The following AP1B1 variants were observed in gnomAD, a reference collection of about 807,000 sequenced individuals.
The protein encoded by AP1B1 is adaptor related protein complex 1 subunit beta 1, also known as AP-1 complex subunit beta-1.
A neutral mutation model predicts 104.3 loss-of-function variants in AP1B1; 36 were observed. That is an observed-to-expected ratio of 0.35 (90% CI 0.26 to 0.46). AP1B1 has a LOEUF of 0.46. AP1B1 is among the 20% of genes least tolerant of loss of function. The pLI is 1.00. For synonymous variants in AP1B1, 504 were observed against 517.5 expected, an observed-to-expected ratio of 0.97 and a Z score of 0.35; for missense variants, 901 against 1,247.9, an observed-to-expected ratio of 0.72 and a Z score of 4.19.
intron 11 of AP1B1, among the ~76,000 whole-genome samples, chr22:29,344,514 ATTTTT>A (rs35466454): frequency 8.2e-4 from 77 of 93,788 alleles, no homozygotes; most frequent in Admixed American, 1.4e-3. Flanking sequence ...CCTGGCCAAG[ATTTTT>A]TTTTTTTTTT....
intron 1 of AP1B1, among the ~76,000 whole-genome samples, chr22:29,375,956 C>A (rs2062334269): frequency 6.6e-6 from 1 of 152,202 alleles, no homozygotes; most frequent in African/African-American, 2.4e-5. Flanking sequence ...GAAAACCAGT[C>A]TACTGAATGA....
intron 1 of AP1B1, among the ~76,000 whole-genome samples, chr22:29,385,209 ACTC>A (rs1213055192): frequency 2.6e-5 from 4 of 152,010 alleles, no homozygotes; most frequent in African/African-American, 9.7e-5. Flanking sequence ...ATATAGCAAG[ACTC>A]CATCTCTACA....
At position 29,334,428 on chromosome 22, in the gene AP1B1, C is replaced by T. The variant is rs762095516; in HGVS notation, c.2164-18G>A. On this transcript the variant is annotated intron_variant, in intron 16 of 22. Transcript: ENST00000357586. ...AGCCAGACCTGCAGGGAAGAGGGTG[C>T]GGAGGGGGCGGGTAGGTGCCTCTTC... 17 of 1,589,572 alleles carry T rather than the reference C, an allele frequency of 1.1e-5. No individual in the cohort carries two copies. Among genetic ancestry groups the T allele is most frequent in the East Asian group, 4.6e-5 (2 of 43,716 alleles).
intron 1 of AP1B1, among the ~76,000 whole-genome samples, chr22:29,375,563 T>G (rs897441026): frequency 2.0e-5 from 3 of 151,918 alleles, no homozygotes; most frequent in Non-Finnish European, 4.4e-5. Flanking sequence ...CAGATTAAGA[T>G]GAGAGAGCTG....
intron 16 of AP1B1, among the ~76,000 whole-genome samples, chr22:29,337,225 T>C (rs1331469552): frequency 2.0e-5 from 3 of 152,226 alleles, no homozygotes; most frequent in Non-Finnish European, 4.4e-5. Context: ...TCACCAGCTA[T>C]GTGACCTTAG....
intron 7 of AP1B1, among the ~76,000 whole-genome samples, chr22:29,352,346 T>G (rs191235399): frequency 6.6e-5 from 10 of 152,392 alleles, no homozygotes; most frequent in African/African-American, 2.4e-4. Flanking sequence ...ATACAGTTTA[T>G]GCTGAACACA....
At chr22:29,361,537 A>T (rs2062046802) in intron 3 of AP1B1, among the ~76,000 whole-genome samples, 2 of 152,042 alleles carry the variant, frequency 1.3e-5, no homozygotes, top group Non-Finnish European at 2.9e-5. Context: ...ACAATATGGG[A>T]ATTGTAAGGA....
chr22:29,360,458 C>A (rs1301352584), intron 3 of AP1B1, among the ~76,000 whole-genome samples: 1 of 152,160 alleles, frequency 6.6e-6, no homozygotes, highest in Non-Finnish European at 1.5e-5. Flanking sequence ...CTTAATGTGG[C>A]CCCTTACATT....
intron 11 of AP1B1, 77 bp from the exon 12 acceptor site, chr22:29,342,460 G>T (rs1456933177): frequency 3.3e-6 from 4 of 1,220,352 alleles, no homozygotes; most frequent in East Asian, 2.5e-5. Context: ...GGCTTGAAGA[G>T]GAATAGGGTG....
chr22:29,358,655 G>A, intron 5 of AP1B1, 71 bp downstream of exon 5: 1 of 1,554,398 alleles, frequency 6.4e-7, no homozygotes, highest in Non-Finnish European at 8.8e-7. Flanking sequence ...GCCTGGTGAA[G>A]AGTCAAGCCA....
chr22:29,383,569 C>A (rs974086072), intron 1 of AP1B1, among the ~76,000 whole-genome samples: 1 of 150,716 alleles, frequency 6.6e-6, no homozygotes, highest in Admixed American at 6.6e-5. Context: ...ATTAGCCGGG[C>A]GTGGTGGCGG....
At chr22:29,336,107 T>C (rs1032041060) in intron 16 of AP1B1, among the ~76,000 whole-genome samples, 3 of 152,218 alleles carry the variant, frequency 2.0e-5, no homozygotes, top group Admixed American at 6.5e-5. Context: ...GATGAACCAA[T>C]GAACTGTCAC....
intron 1 of AP1B1, among the ~76,000 whole-genome samples, chr22:29,376,808 G>A (rs12166223): frequency 0.012 from 1,863 of 152,254 alleles, 35 homozygotes; most frequent in African/African-American, 0.042. Flanking sequence ...TCTGTGCCAT[G>A]CCCTGGACTG....
At chr22:29,371,830 A>AT (rs2062244092) in intron 1 of AP1B1, among the ~76,000 whole-genome samples, 2 of 152,164 alleles carry the variant, frequency 1.3e-5, no homozygotes, top group South Asian at 4.1e-4. Flanking sequence ...ATTACGGGGA[A>AT]TTTTTGATTC....
At position 29,340,818 on chromosome 22, in the gene AP1B1, T is replaced by A. The variant is rs751723222; in HGVS notation, c.1836A>T (p.Gly612=). Residue 612 remains glycine (G), a synonymous_variant, in exon 14 of 23, where the codon GGA becomes GGT. Transcript: ENST00000357586. ...CATCTGGCTGCTCCCCAGGAGGTGC[T>A]CCAGTAGGGGCTGTCTCAGGGCTCT... is the stretch of plus-strand genomic sequence containing the variant. ...SAESPETAPT[G]APPGEQPDVI... The A allele has an allele frequency of 1.3e-6, 2 of 1,599,804 alleles. No homozygotes were observed. Among genetic ancestry groups the A allele is most frequent in the Non-Finnish European group, 1.7e-6 (2 of 1,174,704 alleles).
At chr22:29,344,436 C>G (rs927986536) in intron 11 of AP1B1, among the ~76,000 whole-genome samples, 2 of 151,902 alleles carry the variant, frequency 1.3e-5, no homozygotes, top group African/African-American at 4.8e-5. Context: ...TGCAATAATG[C>G]CATTGCCCCT....
intron 1 of AP1B1, among the ~76,000 whole-genome samples, chr22:29,380,610 T>A (rs544549382): frequency 1.3e-5 from 2 of 152,234 alleles, no homozygotes; most frequent in African/African-American, 4.8e-5. Context: ...CCTGAGTCAC[T>A]CTTAACAACA....
intron 3 of AP1B1, among the ~76,000 whole-genome samples, chr22:29,361,051 T>C (rs5742311): frequency 0.064 from 9,598 of 150,308 alleles, 939 homozygotes; most frequent in African/African-American, 0.23. Flanking sequence ...CTTTGGGGCT[T>C]ATCATATCAG....
At chr22:29,344,514 ATTTTTT>A (rs35466454) in intron 11 of AP1B1, among the ~76,000 whole-genome samples, 5 of 93,798 alleles carry the variant, frequency 5.3e-5, no homozygotes, top group Middle Eastern at 6.7e-3. Flanking sequence ...CCTGGCCAAG[ATTTTTT>A]TTTTTTTTTT....
Sources: allele counts gnomAD v4.1 joint callset (sites outside exome capture counted in the v4.1 genomes callset), GRCh38; gene constraint gnomAD v4.1.1; transcripts MANE v1.5; gene names NCBI Gene and HGNC (gene_info 2026-07-23, HGNC 2026-07-21).